The following VPS50 variants were observed in gnomAD, a reference collection of about 807,000 sequenced individuals.
VPS50 encodes syndetin.
Under a neutral mutation model 139.7 loss-of-function variants are expected in VPS50, and 70 were observed. The ratio of observed to expected loss-of-function variants is 0.50; its 90% confidence interval spans 0.41 to 0.61. The LOEUF is 0.61. Ranked by LOEUF, VPS50 falls within the 20% of genes least tolerant of loss-of-function variation. The pLI is 0.00. For synonymous variants in VPS50, 365 were observed against 376.7 expected, an observed-to-expected ratio of 0.97 and a Z score of 0.36; for missense variants, 921 against 1,133.7, an observed-to-expected ratio of 0.81 and a Z score of 2.69.
intron 21 of VPS50, among the ~76,000 whole-genome samples, chr7:93,326,716 G>C (rs1797791215): frequency 6.6e-6 from 1 of 151,912 alleles, no homozygotes; most frequent in Non-Finnish European, 1.5e-5. Context: ...GGTTTGCATA[G>C]ATGTTTGACA....
At chr7:93,255,576 T>C (rs1795461038) in intron 4 of VPS50, among the ~76,000 whole-genome samples, 1 of 152,202 alleles carries the variant, frequency 6.6e-6, no homozygotes, top group South Asian at 2.1e-4. Flanking sequence ...TAAAATGATA[T>C]TTAGGATTAA....
chr7:93,298,962 T>C (rs1796893399), intron 16 of VPS50, among the ~76,000 whole-genome samples: 2 of 152,164 alleles, frequency 1.3e-5, no homozygotes, highest in Non-Finnish European at 2.9e-5. Flanking sequence ...CATTGTAAAA[T>C]GAAGTGGCCA....
intron 21 of VPS50, 123 bp from the exon 22 acceptor site, chr7:93,333,993 AT>A (rs1411114166): frequency 5.9e-5 from 40 of 681,596 alleles, no homozygotes; most frequent in African/African-American, 4.2e-4. Flanking sequence ...TGTAAATGCA[AT>A]TTGGAAACCC....
chr7:93,295,736 A>C (rs1472733027), intron 14 of VPS50, among the ~76,000 whole-genome samples: 1 of 151,026 alleles, frequency 6.6e-6, no homozygotes, highest in African/African-American at 2.4e-5. Context: ...TGATTGATTG[A>C]TTGATTGAGA....
At chr7:93,292,539 G>T (rs771622133) in intron 13 of VPS50, among the ~76,000 whole-genome samples, 1 of 151,846 alleles carries the variant, frequency 6.6e-6, no homozygotes, top group Admixed American at 6.6e-5. Context: ...TCAGCATTTT[G>T]TTTAATATGG....
At chr7:93,237,661 A>G (rs1794855681) in intron 1 of VPS50, among the ~76,000 whole-genome samples, 1 of 152,190 alleles carries the variant, frequency 6.6e-6, no homozygotes, top group Non-Finnish European at 1.5e-5. Flanking sequence ...TCCCCGATTT[A>G]CTATGGTTTC....
chr7:93,269,495 A>T (rs1795941682), intron 9 of VPS50, among the ~76,000 whole-genome samples: 1 of 152,134 alleles, frequency 6.6e-6, no homozygotes, highest in Non-Finnish European at 1.5e-5. Context: ...TGCTTATGAT[A>T]AATACTATTT....
chr7:93,265,858 C>T (rs769710504), intron 9 of VPS50, among the ~76,000 whole-genome samples: 5 of 152,088 alleles, frequency 3.3e-5, no homozygotes, highest in Admixed American at 2.0e-4. Flanking sequence ...TGAGCCACTG[C>T]GCCTGGGCAA....
intron 23 of VPS50, among the ~76,000 whole-genome samples, chr7:93,345,759 C>G (rs923554553): frequency 2.0e-5 from 3 of 152,126 alleles, no homozygotes; most frequent in Non-Finnish European, 2.9e-5. Context: ...CAGAAAAGGC[C>G]TTTGACAAAA....
intron 20 of VPS50, among the ~76,000 whole-genome samples, chr7:93,318,236 C>T: frequency 6.6e-6 from 1 of 151,938 alleles, no homozygotes; most frequent in East Asian, 1.9e-4. Flanking sequence ...AGAGGATAAT[C>T]CCAAAAGCAC....
chr7:93,346,056 C>T (rs1261048840), intron 23 of VPS50, among the ~76,000 whole-genome samples: 5 of 152,314 alleles, frequency 3.3e-5, no homozygotes, highest in South Asian at 2.1e-4. Flanking sequence ...TTGCAGACGA[C>T]ATGATTGTAT....
At chr7:93,233,945 T>C (rs1794719702) in intron 1 of VPS50, among the ~76,000 whole-genome samples, 1 of 152,222 alleles carries the variant, frequency 6.6e-6, no homozygotes, top group Non-Finnish European at 1.5e-5. Flanking sequence ...CAGAGACCGT[T>C]AGTTACATTG....
chr7:93,251,170 C>G (rs2116816620), intron 2 of VPS50, among the ~76,000 whole-genome samples: 1 of 152,268 alleles, frequency 6.6e-6, no homozygotes, highest in East Asian at 1.9e-4. Context: ...CGAGCAGTCT[C>G]ATTATTGGGT....
chr7:93,315,111 TTTG>T (rs1797386736), intron 20 of VPS50, among the ~76,000 whole-genome samples: 1 of 152,196 alleles, frequency 6.6e-6, no homozygotes, highest in Admixed American at 6.5e-5. Context: ...CCTATTTTTT[TTTG>T]TTGTTGTTTT....
At chr7:93,258,924 G>C (rs1795578978) in intron 8 of VPS50, among the ~76,000 whole-genome samples, 1 of 151,986 alleles carries the variant, frequency 6.6e-6, no homozygotes, top group Non-Finnish European at 1.5e-5. Flanking sequence ...GGTTTGAATT[G>C]CATCTGTTGA....
At chr7:93,284,082 G>A (rs1027318887) in intron 12 of VPS50, among the ~76,000 whole-genome samples, 21 of 152,102 alleles carry the variant, frequency 1.4e-4, no homozygotes, top group Admixed American at 6.6e-5. Flanking sequence ...TAGACTGCTG[G>A]ATGATTTTTT....
At chr7:93,347,210 A>C (rs1798421675) in intron 23 of VPS50, among the ~76,000 whole-genome samples, 1 of 147,264 alleles carries the variant, frequency 6.8e-6, no homozygotes, top group Non-Finnish European at 1.5e-5. Context: ...ATGCAGCCAA[A>C]AAACACATGA....
chr7:93,281,191 A>G (rs1360937952), intron 12 of VPS50, among the ~76,000 whole-genome samples: 3 of 152,188 alleles, frequency 2.0e-5, no homozygotes, highest in Admixed American at 6.5e-5. Context: ...TAGACAAACT[A>G]TAATATTAAT....
At chr7:93,355,119 TAAA>T (rs202160213) in intron 26 of VPS50, among the ~76,000 whole-genome samples, 9,158 of 138,044 alleles carry the variant, frequency 0.066, 721 homozygotes, top group East Asian at 0.29. Context: ...TACTCTTTTT[TAAA>T]AAAAAAAAAA....
Sources: gnomAD v4.1 joint callset for allele counts (sites outside exome capture counted in the v4.1 genomes callset) on GRCh38, gnomAD v4.1.1 for gene constraint, MANE v1.5 for transcripts, NCBI Gene and HGNC (gene_info 2026-07-23, HGNC 2026-07-21) for gene names.